SYNPO: variants seen among roughly 807,000 people sequenced by gnomAD.
SYNPO encodes synaptopodin.
Under a neutral mutation model 49.5 loss-of-function variants are expected in SYNPO, and 19 were observed. That is an observed-to-expected ratio of 0.38 (90% CI 0.27 to 0.56). The LOEUF is 0.56. Ranked by LOEUF, SYNPO falls within the 20% of genes least tolerant of loss-of-function variation. SYNPO has a pLI of 0.68. For synonymous variants in SYNPO, 536 were observed against 548.0 expected, an observed-to-expected ratio of 0.98 and a Z score of 0.31; for missense variants, 1,131 against 1,248.3, an observed-to-expected ratio of 0.91 and a Z score of 1.42.
At chr5:150,597,489 G>C (rs747170287), upstream of SYNPO, among the ~76,000 whole-genome samples, 1 of 151,230 alleles carries the variant, frequency 6.6e-6, no homozygotes, top group Non-Finnish European at 1.5e-5. Flanking sequence ...GCGTCACCAC[G>C]CCTGGCTAAT....
chr5:150,596,443 G>A (rs919198197), upstream of SYNPO, among the ~76,000 whole-genome samples: 9 of 152,092 alleles, frequency 5.9e-5, no homozygotes, highest in Non-Finnish European at 1.2e-4. Context: ...TTCAGAAGAC[G>A]ACGTTCGATC....
upstream of SYNPO, among the ~76,000 whole-genome samples, chr5:150,597,725 G>A (rs768381320): frequency 2.0e-5 from 3 of 152,080 alleles, no homozygotes; most frequent in Non-Finnish European, 2.9e-5. Flanking sequence ...TGCAACCTGC[G>A]CTTCCCGGGT....
At chr5:150,599,499 C>T (rs1036743950), upstream of SYNPO, among the ~76,000 whole-genome samples, 2 of 152,234 alleles carry the variant, frequency 1.3e-5, no homozygotes, top group Non-Finnish European at 2.9e-5. Context: ...GTGACCCGCA[C>T]TGGCTCTGGA....
chr5:150,629,508 C>G (rs1383492091), intron 2 of SYNPO, among the ~76,000 whole-genome samples: 1 of 152,120 alleles, frequency 6.6e-6, no homozygotes, highest in Non-Finnish European at 1.5e-5. Flanking sequence ...TGTGACAAAG[C>G]TCCTTACTGG....
At chr5:150,599,175 C>A (rs76856491), upstream of SYNPO, among the ~76,000 whole-genome samples, 12 of 152,352 alleles carry the variant, frequency 7.9e-5, 1 homozygote, top group East Asian at 2.1e-3. Context: ...ATGTACCGGG[C>A]GAAGCCCCTC....
rs768172305 is a variant in SYNPO, at chr5:150,650,366, T to C, written c.2028+63T>C. The C allele has an allele frequency of 3.3e-5, 52 of 1,598,510 alleles. No homozygotes were observed. The African/African-American group carries it at 6.8e-4, about 21-fold the overall frequency. On this transcript the variant is annotated intron_variant, in intron 2 of 2. Coordinates refer to ENST00000307662, the MANE Select transcript of SYNPO (RefSeq NM_007286.6). ...CACGGGGGTCCCACTGCCGGTCAAG[T>C]TCCCCTCCTTGAGGGCCAGATGGAG...
chr5:150,657,625 C>G lies in SYNPO; in HGVS notation c.*538C>G, dbSNP rs930548957. The G allele has an allele frequency of 6.5e-6, 1 of 152,866 alleles. No homozygotes were observed. Among genetic ancestry groups the G allele is most frequent in the Non-Finnish European group, 1.5e-5 (1 of 68,432 alleles). The allele number at this position is 152,866 out of a possible 1,614,324, so 9.5% of individuals were successfully genotyped here. ...TGTTCAGAAGGTCCTAGGCCTGTGT[C>G]GCATGTCCAGGCACTGGCCTGACCA... On this transcript the variant is annotated 3_prime_UTR_variant, in exon 3 of 3. Coordinates refer to ENST00000307662, the MANE Select transcript of SYNPO (RefSeq NM_007286.6).
At chr5:150,612,121 G>C (rs925912763) in intron 1 of SYNPO, among the ~76,000 whole-genome samples, 1 of 152,186 alleles carries the variant, frequency 6.6e-6, no homozygotes, top group African/African-American at 2.4e-5. Flanking sequence ...GGTTCGCAAG[G>C]ACAACAAAAG....
intron 2 of SYNPO, among the ~76,000 whole-genome samples, chr5:150,621,160 CCAGGCTGGCCTCGAACTCCTAACCT>C (rs1357978167): frequency 7.9e-5 from 12 of 151,986 alleles, no homozygotes; most frequent in African/African-American, 2.9e-4. Flanking sequence ...ACCATGTTGG[CCAGGCTGGCCTCGAACTCCTAACCT>C]CAGGCGGTCT....
intron 2 of SYNPO, among the ~76,000 whole-genome samples, chr5:150,625,782 A>G (rs1010623228): frequency 6.6e-6 from 1 of 151,764 alleles, no homozygotes; most frequent in Admixed American, 6.5e-5. Context: ...GGAAGGTGCC[A>G]GGGAACTCCG....
At chr5:150,614,107 A>T (rs1208717475) in intron 1 of SYNPO, among the ~76,000 whole-genome samples, 2 of 152,228 alleles carry the variant, frequency 1.3e-5, no homozygotes, top group Non-Finnish European at 2.9e-5. Flanking sequence ...CACTGGGTGA[A>T]GGAATAAGCC....
chr5:150,640,553 C>A, upstream of SYNPO: 1 of 736,816 alleles, frequency 1.4e-6, no homozygotes, highest in South Asian at 6.1e-5. Flanking sequence ...ATGAGTGGAG[C>A]CCGGAGGGAG....
At chr5:150,650,848 ATGGGCC>A in intron 2 of SYNPO, 1 of 1,271,498 alleles carries the variant, frequency 7.9e-7, no homozygotes, top group African/African-American at 1.5e-5. Flanking sequence ...TCTCACCTCC[ATGGGCC>A]TGTCTCTTCT....
At chr5:150,606,456 G>C (rs115074358) in intron 1 of SYNPO, among the ~76,000 whole-genome samples, 1 of 152,210 alleles carries the variant, frequency 6.6e-6, no homozygotes, top group Admixed American at 6.5e-5. Flanking sequence ...GGAGAAGAGG[G>C]GAAGTCACTT....
chr5:150,587,897 A>T, the SYNPO span, among the ~76,000 whole-genome samples: 1 of 152,296 alleles, frequency 6.6e-6, no homozygotes, highest in African/African-American at 2.4e-5. Context: ...TTTAGAAGAA[A>T]AGATTGGGTC....
chr5:150,600,988 TAA>T, upstream of SYNPO: 1 of 152,218 alleles, frequency 6.6e-6, no homozygotes, highest in East Asian at 1.9e-4. Context: ...GCTCTGTTAT[TAA>T]AGTTTCATTT....
chr5:150,650,391 G>T, intron 2 of SYNPO, 88 bp downstream of exon 2: 1 of 1,576,912 alleles, frequency 6.3e-7, no homozygotes, highest in South Asian at 1.1e-5. Context: ...GCCAGATGGA[G>T]AGCAGATGTG....
the SYNPO span, among the ~76,000 whole-genome samples, chr5:150,593,519 T>C: frequency 9.8e-5 from 15 of 152,296 alleles, no homozygotes; most frequent in Admixed American, 7.2e-4. Flanking sequence ...TGGAGTGCAG[T>C]GATATGATCT....
At chr5:150,620,426 T>A (rs1397938387) in intron 2 of SYNPO, among the ~76,000 whole-genome samples, 2 of 152,232 alleles carry the variant, frequency 1.3e-5, no homozygotes, top group African/African-American at 4.8e-5. Context: ...GGACATACTT[T>A]TATTATTTTC....
Sources: gnomAD v4.1 joint callset for allele counts (sites outside exome capture counted in the v4.1 genomes callset) on GRCh38, gnomAD v4.1.1 for gene constraint, MANE v1.5 for transcripts, NCBI Gene and HGNC (gene_info 2026-07-23, HGNC 2026-07-21) for gene names.